Variants in FOCAD observed in about 807,000 individuals in gnomAD.
FOCAD encodes the protein KIAA1797.
FOCAD carries 198 observed loss-of-function variants against 225.6 expected under a neutral mutation model. That is an observed-to-expected ratio of 0.88 (90% confidence interval 0.78 to 0.99). The LOEUF (loss-of-function observed/expected upper bound fraction) is 0.99, where lower values mean the gene tolerates loss of function less well. FOCAD is among the 50% of genes least tolerant of loss of function. FOCAD has a pLI of 0.00. For synonymous variants in FOCAD, 897 were observed against 755.0 expected (o/e 1.19, Z -3.08); for missense variants, 2,713 against 2,123.6 (o/e 1.28, Z -5.46).
At chr9:20,846,715 G>A (rs1005761801) in intron 15 of FOCAD, among the ~76,000 whole-genome samples, 4 of 152,070 alleles carry the variant, frequency 2.6e-5, no homozygotes, top group African/African-American at 9.7e-5. Flanking sequence ...CTAATGATAC[G>A]TATCCAGCCT....
At chr9:20,934,184 C>A (rs777421969) in intron 28 of FOCAD, among the ~76,000 whole-genome samples, 5 of 152,144 alleles carry the variant, frequency 3.3e-5, no homozygotes, top group East Asian at 3.9e-4. Flanking sequence ...CTGACTGTTG[C>A]TTTTGCCATG....
Position 20,981,474 on chromosome 9 carries a change from C to A in FOCAD, c.4426C>A (p.His1476Asn). The A allele has an allele frequency of 8.7e-6, 14 of 1,614,154 alleles. No individual in the cohort carries two copies. The highest frequency in any genetic ancestry group is 1.2e-5 in the Non-Finnish European group (14 of 1,179,994). ...GATATCTGCACCTCTGTGGATAAAA[C>A]ACATCTCTGATGAACAGATCCTGGG... ...LLISAPLWIK[H>N]ISDEQILGFV... is the part of the protein sequence containing the mutation. Residue 1476 changes from histidine (H) to asparagine (N), a missense_variant, in exon 38 of 44, where the codon CAC becomes AAC. Coordinates refer to ENST00000338382, the MANE Select transcript of FOCAD (RefSeq NM_001375567.1).
At chr9:20,957,739 A>G (rs1365097694) in intron 35 of FOCAD, 1 of 124,664 alleles carries the variant, frequency 8.0e-6, no homozygotes, top group South Asian at 2.5e-4. Context: ...GCTGGTCTTG[A>G]ACTCCTGGCC....
intron 1 of FOCAD, among the ~76,000 whole-genome samples, chr9:20,687,753 G>A (rs1822750393): frequency 6.6e-6 from 1 of 152,096 alleles, no homozygotes; most frequent in Non-Finnish European, 1.5e-5. Flanking sequence ...TTGGTGCTAG[G>A]TCCTTAACTT....
At chr9:20,670,682 G>T (rs141588400) in intron 2 of FOCAD, among the ~76,000 whole-genome samples, 29 of 152,258 alleles carry the variant, frequency 1.9e-4, no homozygotes, top group Admixed American at 5.2e-4. Context: ...GCTTTGGGGT[G>T]GGGTGGCCAG....
chr9:20,932,995 C>T lies in FOCAD; in HGVS notation c.3318-19C>T. The T allele has an allele frequency of 1.3e-6, 2 of 1,567,218 alleles. No individual in the cohort carries two copies. Among genetic ancestry groups the T allele is most frequent in the Admixed American group, 1.7e-5 (1 of 59,858 alleles). On this transcript the variant is annotated intron_variant, in intron 27 of 43. Transcript: ENST00000338382. ...ACTAATTTTAAATAATTCATTGTTT[C>T]CCCTTGATCTTTAACCAGTGATATA... is the stretch of plus-strand genomic sequence containing the variant.
rs747982178 is a variant in FOCAD at position 20,948,285 on chromosome 9, C to G, written c.3690C>G (p.Ala1230=). ...ATTTATATCAGACTTCAGGTTTTGC[C>G]CTGGCTTTAGGAAACATAGTTCATG... ...VENSQQTSGF[A]LALGNIVHGL... is the part of the protein sequence containing the mutation. The change falls in exon 31 of 44, where the codon GCC becomes GCG. Residue 1230 remains alanine (A), a synonymous_variant. Coordinates refer to ENST00000338382, the MANE Select transcript of FOCAD (RefSeq NM_001375567.1). 1.2e-6 allele frequency: 2 copies of G among 1,606,452 alleles called. No homozygotes were observed. Among genetic ancestry groups the G allele is most frequent in the Admixed American group, 1.7e-5 (1 of 59,528 alleles).
At chr9:20,847,818 G>A (rs1230829999) in intron 15 of FOCAD, among the ~76,000 whole-genome samples, 2 of 152,032 alleles carry the variant, frequency 1.3e-5, no homozygotes, top group Admixed American at 1.3e-4. Context: ...TTTGCCAAAT[G>A]TCTTTAAAAG....
Position 20,761,413 on chromosome 9 carries a change from C to T in FOCAD, c.494+3222C>T, listed in dbSNP as rs529858367. ...GTGGTGGAGTTGGGCCTAAAGCCTC[C>T]GTTATTTTTATTTTTATTTTTTTTT... is the stretch of plus-strand genomic sequence containing the variant. On this transcript the variant is annotated intron_variant, in intron 6 of 43. Transcript: ENST00000338382. Among the ~76,000 whole-genome samples the T allele has an allele frequency of 4.6e-5, 7 of 151,712 alleles. No homozygotes were observed. The South Asian group carries it at 6.3e-4, about 14-fold the overall frequency.
At chr9:20,769,316 G>A (rs1172474775) in intron 7 of FOCAD, among the ~76,000 whole-genome samples, 2 of 152,174 alleles carry the variant, frequency 1.3e-5, no homozygotes, top group Non-Finnish European at 2.9e-5. Context: ...GATGAATTTA[G>A]CAGACATAGG....
At chr9:20,932,947 G>C in intron 27 of FOCAD, 67 bp from the exon 28 acceptor site, 2 of 1,084,646 alleles carry the variant, frequency 1.8e-6, no homozygotes, top group Non-Finnish European at 2.8e-6. Context: ...GTATAATATT[G>C]TATTCAGTAT....
chr9:20,757,979 G>A lies in FOCAD; in HGVS notation c.393-111G>A, dbSNP rs557176518. On this transcript the variant is annotated intron_variant, in intron 5 of 43. Transcript: ENST00000338382. The stretch of plus-strand genomic sequence containing the variant: ...GATCATTTTGTGACAATTATGAATC[G>A]TGAAAAAAGTCTCTAGATGGTAGGT... 22 of 521,480 alleles carry A rather than the reference G, an allele frequency of 4.2e-5. 1 individual carries two copies. The highest frequency in any genetic ancestry group is 2.0e-4 in the African/African-American group (10 of 50,824). The allele number at this position is 521,480 out of a possible 1,614,324, so 32.3% of individuals were successfully genotyped here.
chr9:20,937,966 G>A (rs1352599612), intron 28 of FOCAD, among the ~76,000 whole-genome samples: 4 of 151,954 alleles, frequency 2.6e-5, no homozygotes, highest in Admixed American at 2.0e-4. Flanking sequence ...GCAGCCAAAA[G>A]ACACATGAAA....
At chr9:20,964,685 G>A (rs1437066960) in intron 35 of FOCAD, among the ~76,000 whole-genome samples, 5 of 152,042 alleles carry the variant, frequency 3.3e-5, no homozygotes, top group Non-Finnish European at 7.4e-5. Context: ...ACAGGCGCAT[G>A]CCACCACGCC....
At chr9:20,783,920 T>G (rs1298094799) in intron 10 of FOCAD, among the ~76,000 whole-genome samples, 1 of 152,188 alleles carries the variant, frequency 6.6e-6, no homozygotes, top group African/African-American at 2.4e-5. Context: ...AATGAATTAT[T>G]AGCAAGAGGT....
At chr9:20,862,414 TAA>T in intron 15 of FOCAD, among the ~76,000 whole-genome samples, 162 bp from the exon 16 acceptor site, 1 of 152,306 alleles carries the variant, frequency 6.6e-6, no homozygotes, top group Middle Eastern at 3.4e-3. Context: ...TACACTGGTT[TAA>T]GTTATTTCAT....
chr9:20,791,435 G>A (rs909478500), intron 11 of FOCAD, among the ~76,000 whole-genome samples: 5 of 152,012 alleles, frequency 3.3e-5, no homozygotes, highest in South Asian at 4.1e-4. Context: ...TCAAATCAGG[G>A]TAATTAATAG....
At chr9:20,889,086 T>G (rs971946515) in intron 21 of FOCAD, among the ~76,000 whole-genome samples, 6 of 152,174 alleles carry the variant, frequency 3.9e-5, no homozygotes, top group African/African-American at 1.2e-4. Context: ...TAGAACAATT[T>G]CATTACCCAG....
At chr9:20,690,468 A>T (rs1051658654) in intron 1 of FOCAD, among the ~76,000 whole-genome samples, 4 of 152,140 alleles carry the variant, frequency 2.6e-5, no homozygotes, top group Non-Finnish European at 4.4e-5. Context: ...AACCCACTTT[A>T]ATCAGGCTTT....
Sources: allele counts gnomAD v4.1 joint callset (sites outside exome capture counted in the v4.1 genomes callset), GRCh38; gene constraint gnomAD v4.1.1; transcripts MANE v1.5; gene names NCBI Gene and HGNC (gene_info 2026-07-23, HGNC 2026-07-21).